The following CALCRL variants were observed in gnomAD, a reference collection of about 807,000 sequenced individuals.
The protein encoded by CALCRL is calcitonin receptor like receptor, also known as calcitonin gene-related peptide type 1 receptor.
CALCRL carries 27 observed loss-of-function variants against 60.4 expected under a neutral mutation model. That is an observed-to-expected ratio of 0.45 (90% confidence interval 0.33 to 0.62). CALCRL has a LOEUF of 0.62. Ranked by LOEUF, CALCRL falls within the 20% of genes least tolerant of loss-of-function variation. The pLI is 0.03. For synonymous variants in CALCRL, 190 were observed against 182.6 expected, an observed-to-expected ratio of 1.04 and a Z score of -0.33; for missense variants, 424 against 540.7, an observed-to-expected ratio of 0.78 and a Z score of 2.14.
intron 8 of CALCRL, among the ~76,000 whole-genome samples, chr2:187,368,793 C>A (rs886459065): frequency 1.3e-5 from 2 of 152,076 alleles, no homozygotes; most frequent in African/African-American, 4.8e-5. Context: ...CAGATCTTTT[C>A]CCCCAAAAAA....
intron 9 of CALCRL, among the ~76,000 whole-genome samples, chr2:187,362,566 C>G (rs1260245037): frequency 1.2e-5 from 1 of 81,258 alleles, no homozygotes; most frequent in Non-Finnish European, 2.8e-5. Flanking sequence ...TTAAAAAACA[C>G]TTTATATAGA....
chr2:187,418,283 G>A (rs371907338), intron 1 of CALCRL, among the ~76,000 whole-genome samples: 4 of 152,264 alleles, frequency 2.6e-5, no homozygotes, highest in African/African-American at 9.6e-5. Context: ...TAGAGATGCA[G>A]CTGAAGCTTA....
intron 8 of CALCRL, among the ~76,000 whole-genome samples, chr2:187,377,080 G>A (rs1687787915): frequency 6.6e-6 from 1 of 152,084 alleles, no homozygotes; most frequent in Admixed American, 6.5e-5. Context: ...AGACTAGGGA[G>A]GAGGCAAAGA....
At position 187,352,258 on chromosome 2, in the gene CALCRL, G is replaced by A. The variant is rs765082504; in HGVS notation, c.984C>T (p.Ser328=). 1.2e-6 allele frequency: 2 copies of A among 1,612,086 alleles called. No individual in the cohort carries two copies. The highest frequency in any genetic ancestry group is 1.7e-6 in the Non-Finnish European group (2 of 1,178,814). The change falls in exon 13 of 15, where the codon TCC becomes TCT. Residue 328 remains serine, a synonymous_variant. Coordinates refer to ENST00000392370, the MANE Select transcript of CALCRL (RefSeq NM_005795.6). ...TKLKVTHQAE[S]NLYMKAVRAT... is the part of the protein sequence containing the mutation. Reference sequence around the variant, plus strand: ...CTCTCACAGCTTTCATGTACAGATTGGATTCCGCTTGGTGTGTAACTTTTA... The same window carrying A: ...CTCTCACAGCTTTCATGTACAGATTAGATTCCGCTTGGTGTGTAACTTTTA...
chr2:187,443,675 G>A (rs894160838), intron 1 of CALCRL, among the ~76,000 whole-genome samples: 1 of 151,540 alleles, frequency 6.6e-6, no homozygotes. Context: ...CAATAAACAT[G>A]TTACTCTAAT....
chr2:187,366,084 A>T (rs1202326694), intron 8 of CALCRL, among the ~76,000 whole-genome samples: 3 of 150,952 alleles, frequency 2.0e-5, no homozygotes, highest in African/African-American at 7.3e-5. Flanking sequence ...TCTACTAAAA[A>T]TACAAAAAAT....
At chr2:187,412,377 G>C (rs1040570029) in intron 1 of CALCRL, among the ~76,000 whole-genome samples, 3 of 152,110 alleles carry the variant, frequency 2.0e-5, no homozygotes, top group Non-Finnish European at 2.9e-5. Flanking sequence ...TACTGAAAAG[G>C]GGGCTCAAGA....
At chr2:187,445,920 T>C (rs1165422896) in intron 1 of CALCRL, among the ~76,000 whole-genome samples, 1 of 151,602 alleles carries the variant, frequency 6.6e-6, no homozygotes, top group African/African-American at 2.4e-5. Context: ...TTTTAAACAA[T>C]GTTTTTGTTA....
At chr2:187,419,451 G>C (rs557129949) in intron 1 of CALCRL, among the ~76,000 whole-genome samples, 1 of 152,214 alleles carries the variant, frequency 6.6e-6, no homozygotes, top group Non-Finnish European at 1.5e-5. Context: ...CTTGATCTTG[G>C]ACTTCCAGTT....
chr2:187,359,211 C>A lies in CALCRL; in HGVS notation c.842+1G>T. 6.3e-7 allele frequency: 1 copy of A among 1,592,816 alleles called. No homozygotes were observed. Among genetic ancestry groups the A allele is most frequent in the South Asian group, 1.1e-5 (1 of 88,534 alleles). Reference sequence around the variant, plus strand: ...GAAATAATAAAAAGAGATTTTCTTACTTGTCATTGTAATATAAGCTTCTAG... The same window carrying A: ...GAAATAATAAAAAGAGATTTTCTTAATTGTCATTGTAATATAAGCTTCTAG... On this transcript the variant is annotated splice_donor_variant, in intron 11 of 14. Coordinates refer to ENST00000392370, the MANE Select transcript of CALCRL (RefSeq NM_005795.6). LOFTEE classifies it high-confidence loss of function.
chr2:187,361,526 T>C (rs547069341), intron 9 of CALCRL, among the ~76,000 whole-genome samples: 1 of 151,982 alleles, frequency 6.6e-6, no homozygotes, highest in Non-Finnish European at 1.5e-5. Context: ...TTAGTGGCAA[T>C]TATCATTATT....
At chr2:187,395,953 A>G (rs1173382754) in intron 1 of CALCRL, among the ~76,000 whole-genome samples, 1 of 151,876 alleles carries the variant, frequency 6.6e-6, no homozygotes, top group Admixed American at 6.6e-5. Context: ...ATTGTTATAC[A>G]GAAACAGTTT....
chr2:187,411,995 A>AG lies in CALCRL; in HGVS notation c.-292-24240_-292-24239insC, dbSNP rs1275468393. Among the ~76,000 whole-genome samples the AG allele has an allele frequency of 2.4e-3, 362 of 151,376 alleles. 3 individuals carry two copies. Among genetic ancestry groups the AG allele is most frequent in the African/African-American group, 8.3e-3 (341 of 41,220 alleles). On this transcript the variant is annotated intron_variant, in intron 1 of 14. Coordinates refer to ENST00000392370, the MANE Select transcript of CALCRL (RefSeq NM_005795.6). ...CTCTGTCTCAAAAAAAAAAAAAAAA[A>AG]AAAAAAGAATTACATCCTGTGTGCA...
intron 1 of CALCRL, among the ~76,000 whole-genome samples, chr2:187,426,427 G>T (rs1165294372): frequency 3.3e-5 from 5 of 151,826 alleles, no homozygotes; most frequent in African/African-American, 4.8e-5. Context: ...CTTCCAGATT[G>T]CATTATCACT....
intron 1 of CALCRL, chr2:187,431,264 GTC>G (rs1326641500): frequency 1.9e-5 from 3 of 154,708 alleles, no homozygotes; most frequent in Middle Eastern, 5.1e-4. Context: ...CTTTTATTAG[GTC>G]ATGAATGTTG....
intron 14 of CALCRL, among the ~76,000 whole-genome samples, chr2:187,349,058 C>T (rs537287174): frequency 9.3e-5 from 14 of 150,616 alleles, no homozygotes; most frequent in South Asian, 6.2e-4. Flanking sequence ...AAAATATTTA[C>T]GAAACTTTTA....
chr2:187,376,263 A>C (rs912364494), intron 8 of CALCRL, among the ~76,000 whole-genome samples: 7 of 152,018 alleles, frequency 4.6e-5, no homozygotes, highest in African/African-American at 1.7e-4. Context: ...TTTTTAATTG[A>C]GCTATTTTTT....
rs1163147102 is a variant in CALCRL at position 187,385,854 on chromosome 2, G to A, written c.-36-223C>T. Among the ~76,000 whole-genome samples the A allele has an allele frequency of 3.9e-5, 6 of 152,048 alleles. 1 individual carries two copies. Among genetic ancestry groups the A allele is most frequent in the South Asian group, 4.2e-4 (2 of 4,810 alleles). On this transcript the variant is annotated intron_variant, in intron 3 of 14. Transcript: ENST00000392370. The stretch of plus-strand genomic sequence containing the variant: ...CAGCCTGGACTTCCCGAGTTCAAGC[G>A]ATCCTCCCTCCTCAGCCTCCCAAGT...
chr2:187,360,233 C>G (rs1686991248), intron 10 of CALCRL, among the ~76,000 whole-genome samples: 1 of 151,884 alleles, frequency 6.6e-6, no homozygotes, highest in African/African-American at 2.4e-5. Flanking sequence ...TGTTTGAACC[C>G]AATGCTCTCA....
Sources: allele counts gnomAD v4.1 joint callset (sites outside exome capture counted in the v4.1 genomes callset), GRCh38; gene constraint gnomAD v4.1.1; transcripts MANE v1.5; gene names NCBI Gene and HGNC (gene_info 2026-07-23, HGNC 2026-07-21).